The following PLSCR5 variants were observed in gnomAD, a reference collection of about 807,000 sequenced individuals.
PLSCR5 encodes the protein phospholipid scramblase family member 5, also known as phospholipid scramblase family, member 5.
Under a neutral mutation model 33.6 loss-of-function variants are expected in PLSCR5, and 44 were observed. The observed-to-expected ratio is 1.31, with a 90% CI of 1.03 to 1.69. The LOEUF (loss-of-function observed/expected upper bound fraction) is 1.69, where lower values mean the gene tolerates loss of function less well. Ranked by LOEUF, PLSCR5 falls within the 40% of genes most tolerant of loss-of-function variation. The pLI, the probability that PLSCR5 is intolerant of heterozygous loss-of-function variation, is 0.00. For synonymous variants in PLSCR5, 148 were observed against 112.3 expected, an observed-to-expected ratio of 1.32 and a Z score of -2.01; for missense variants, 375 against 318.7, an observed-to-expected ratio of 1.18 and a Z score of -1.34.
At position 146,589,387 on chromosome 3, in the gene PLSCR5, A is replaced by G. The variant is rs570633264; in HGVS notation, c.777+266T>C. On this transcript the variant is annotated intron_variant, in intron 6 of 7. Transcript: ENST00000443512. ...AAATTGAACGTAAAAGCAAGGGGAAACTAGGTTTTAAAGAAATGATGAATA... is the reference window on the plus strand; with the variant it reads ...AAATTGAACGTAAAAGCAAGGGGAAGCTAGGTTTTAAAGAAATGATGAATA... 3.8e-3 allele frequency among the ~76,000 whole-genome samples: 577 copies of G among 152,292 alleles called. 3 individuals carry two copies. The highest frequency in any genetic ancestry group is 5.6e-3 in the Non-Finnish European group (383 of 67,996).
intron 6 of PLSCR5, among the ~76,000 whole-genome samples, 160 bp from the exon 7 acceptor site, chr3:146,586,272 T>C (rs771203439): frequency 1.5e-4 from 23 of 152,178 alleles, no homozygotes; most frequent in Non-Finnish European, 3.1e-4. Context: ...AGTCTTAAGC[T>C]TTACAACATT....
chr3:146,598,599 C>T (rs2044783289), intron 2 of PLSCR5, among the ~76,000 whole-genome samples: 2 of 152,144 alleles, frequency 1.3e-5, no homozygotes, highest in Non-Finnish European at 2.9e-5. Context: ...GCATCTGGCT[C>T]CGGGTGTGTC....
downstream of PLSCR5, among the ~76,000 whole-genome samples, chr3:146,584,145 G>T (rs1243910099): frequency 6.6e-6 from 1 of 152,136 alleles, no homozygotes; most frequent in Non-Finnish European, 1.5e-5. Flanking sequence ...TGCCTGGCAT[G>T]TTATTTGTCC....
At chr3:146,584,554 T>C (rs567345528), downstream of PLSCR5, among the ~76,000 whole-genome samples, 3 of 152,314 alleles carry the variant, frequency 2.0e-5, no homozygotes, top group African/African-American at 7.2e-5. Context: ...ATTCCTAAAC[T>C]ACTCTGCCTC....
At chr3:146,578,065 A>T (rs892249737) in intron 7 of PLSCR5, among the ~76,000 whole-genome samples, 2 of 137,600 alleles carry the variant, frequency 1.5e-5, no homozygotes, top group Non-Finnish European at 3.1e-5. Context: ...ATAGGTGCCA[A>T]AATGAATACT....
chr3:146,600,267 G>T, intron 2 of PLSCR5, 21 bp downstream of exon 2: 1 of 1,509,884 alleles, frequency 6.6e-7, no homozygotes, highest in Non-Finnish European at 8.9e-7. Flanking sequence ...CATATCTGTA[G>T]TAATAGAAAG....
chr3:146,578,808 C>T (rs1470472855), intron 7 of PLSCR5, among the ~76,000 whole-genome samples: 1 of 151,780 alleles, frequency 6.6e-6, no homozygotes, highest in Non-Finnish European at 1.5e-5. Flanking sequence ...TCTTATAGTT[C>T]CATTGTAATT....
At chr3:146,597,421 T>C (rs974889136) in intron 2 of PLSCR5, among the ~76,000 whole-genome samples, 4 of 152,150 alleles carry the variant, frequency 2.6e-5, no homozygotes, top group African/African-American at 4.8e-5. Flanking sequence ...TTCTATTCTG[T>C]TTCTTTACGG....
At position 146,605,191 on chromosome 3, in the gene PLSCR5, T is replaced by C. The variant is rs1473900883; in HGVS notation, c.13+9A>G. On this transcript the variant is annotated intron_variant, in intron 1 of 7. Coordinates refer to ENST00000443512, the MANE Select transcript of PLSCR5 (RefSeq NM_001085420.2). Reference sequence around the variant, plus strand: ...GAAAAAGTTATTAGTTGGTTATATTTACTCTTACCTTTAGAGGCCATGAAG... The same window carrying C: ...GAAAAAGTTATTAGTTGGTTATATTCACTCTTACCTTTAGAGGCCATGAAG... 1 of 1,608,516 alleles carries C rather than the reference T, an allele frequency of 6.2e-7. No homozygotes were observed. The highest frequency in any genetic ancestry group is 8.5e-7 in the Non-Finnish European group (1 of 1,176,444).
At position 146,591,571 on chromosome 3, in the gene PLSCR5, T is replaced by C. The variant is rs572753716; in HGVS notation, c.615+149A>G. On this transcript the variant is annotated intron_variant, in intron 5 of 7. Coordinates refer to ENST00000443512, the MANE Select transcript of PLSCR5 (RefSeq NM_001085420.2). ...TTTACATATTCCTATTCTTAGCATG[T>C]ACAATATGGGCTGATTACATTATAT... The C allele has an allele frequency of 6.7e-5, 58 of 869,830 alleles. No individual in the cohort carries two copies. In the East Asian group the frequency reaches 1.5e-3, roughly 22 times the overall value. 53.9% of individuals were successfully genotyped at this position (869,830 alleles called of 1,614,324 possible).
At chr3:146,594,183 A>G in intron 3 of PLSCR5, 43 bp from the exon 4 acceptor site, 1 of 1,429,360 alleles carries the variant, frequency 7.0e-7, no homozygotes, top group Non-Finnish European at 9.7e-7. Flanking sequence ...TTTTTTCCTT[A>G]GTATTGATAA....
intron 7 of PLSCR5, among the ~76,000 whole-genome samples, chr3:146,577,371 C>A (rs1199728339): frequency 6.6e-6 from 1 of 152,088 alleles, no homozygotes; most frequent in Non-Finnish European, 1.5e-5. Flanking sequence ...TACATTTCCT[C>A]TGAAGGCGAT....
chr3:146,599,965 A>G (rs2044797636), intron 2 of PLSCR5, among the ~76,000 whole-genome samples: 1 of 152,138 alleles, frequency 6.6e-6, no homozygotes, highest in Non-Finnish European at 1.5e-5. Context: ...TGCCTGGCAT[A>G]TTAGACAATT....
At chr3:146,581,075 C>T (rs1329400840), downstream of PLSCR5, among the ~76,000 whole-genome samples, 1 of 152,170 alleles carries the variant, frequency 6.6e-6, no homozygotes, top group South Asian at 2.1e-4. Flanking sequence ...TACATGATTT[C>T]TGAAAATCAG....
At chr3:146,576,676 G>T (rs1344283844) in exon 8 of PLSCR5, 2 of 151,910 alleles carry the variant, frequency 1.3e-5, no homozygotes, top group Non-Finnish European at 2.9e-5. Flanking sequence ...GTGAGGTCCA[G>T]TGCAGGCCAT....
chr3:146,602,578 G>C (rs769560349), intron 1 of PLSCR5, among the ~76,000 whole-genome samples: 2 of 151,936 alleles, frequency 1.3e-5, no homozygotes, highest in Non-Finnish European at 2.9e-5. Context: ...ATGGAGCCTA[G>C]GTTTTGTGCT....
At chr3:146,578,536 C>T (rs578031384) in intron 7 of PLSCR5, among the ~76,000 whole-genome samples, 1 of 152,068 alleles carries the variant, frequency 6.6e-6, no homozygotes, top group Non-Finnish European at 1.5e-5. Flanking sequence ...TCATATTCTT[C>T]ATTCTGGAAG....
chr3:146,595,327 T>C (rs1207246385), intron 2 of PLSCR5, among the ~76,000 whole-genome samples: 1 of 152,100 alleles, frequency 6.6e-6, no homozygotes, highest in Non-Finnish European at 1.5e-5. Flanking sequence ...AGAATAAGAA[T>C]AGCAACGGGG....
At chr3:146,581,698 A>G (rs373300432), downstream of PLSCR5, among the ~76,000 whole-genome samples, 33 of 152,364 alleles carry the variant, frequency 2.2e-4, no homozygotes, top group East Asian at 5.8e-3. Context: ...TCTCAGCACA[A>G]AACAAAGTGA....
Sources: gnomAD v4.1 joint callset for allele counts (sites outside exome capture counted in the v4.1 genomes callset) on GRCh38, gnomAD v4.1.1 for gene constraint, MANE v1.5 for transcripts, NCBI Gene and HGNC (gene_info 2026-07-23, HGNC 2026-07-21) for gene names.